The following ZNF678 variants were observed in gnomAD, a reference collection of about 807,000 sequenced individuals.
ZNF678 encodes the protein zinc finger protein 678.
A neutral mutation model predicts 3.0 loss-of-function variants in ZNF678; 5 were observed. That is an observed-to-expected ratio of 1.69 (90% CI 0.88 to 3.56). The LOEUF (loss-of-function observed/expected upper bound fraction) is 3.56, where lower values mean the gene tolerates loss of function less well. Among genes scored for constraint, ZNF678 ranks in the 30% most tolerant of loss-of-function variants. ZNF678 has a pLI of 0.00. For missense variants in ZNF678, 593 were observed against 605.0 expected (o/e 0.98, Z 0.21); for synonymous variants, 218 against 199.6 (o/e 1.09, Z -0.78).
chr1:227,675,576 T>A (rs1252295471), intron 5 of ZNF678, among the ~76,000 whole-genome samples: 1 of 152,222 alleles, frequency 6.6e-6, no homozygotes, highest in African/African-American at 2.4e-5. Flanking sequence ...TCATGTTTTG[T>A]TGAACTGCAA....
At chr1:227,618,073 G>T (rs145328375) in intron 1 of ZNF678, among the ~76,000 whole-genome samples, 8 of 152,100 alleles carry the variant, frequency 5.3e-5, no homozygotes, top group Non-Finnish European at 8.8e-5. Flanking sequence ...ACAACACTTC[G>T]CCCCTAATAT....
intron 1 of ZNF678, among the ~76,000 whole-genome samples, chr1:227,566,856 G>T (rs1180322687): frequency 6.7e-6 from 1 of 150,094 alleles, no homozygotes; most frequent in African/African-American, 2.4e-5. Context: ...TCTTAGTTCT[G>T]TTCTATTTTA....
rs966493837 is a variant in ZNF678 at position 227,638,751 on chromosome 1, G to A, written c.-163-7793G>A. 6.6e-5 allele frequency among the ~76,000 whole-genome samples: 10 copies of A among 152,040 alleles called. No homozygotes were observed. Among genetic ancestry groups the A allele is most frequent in the African/African-American group, 1.9e-4 (8 of 41,360 alleles). The stretch of plus-strand genomic sequence containing the variant: ...CTTAGGAGCAGAGTTGGGCATGAGG[G>A]CAGAACTAAGAAAGAGTGAGTGAAG... On this transcript the variant is annotated intron_variant, in intron 1 of 3. Transcript: ENST00000343776. This position sits in a 1 kb window ranked among gnomAD's most constrained non-coding sequence, Gnocchi z 4.2.
chr1:227,595,674 A>C (rs191027476), intron 1 of ZNF678, among the ~76,000 whole-genome samples: 157 of 152,314 alleles, frequency 1.0e-3, no homozygotes, highest in African/African-American at 3.7e-3. Context: ...AAGGGCACAC[A>C]CACACTTTTG....
At chr1:227,600,427 A>G (rs970565725) in intron 1 of ZNF678, among the ~76,000 whole-genome samples, 2 of 152,172 alleles carry the variant, frequency 1.3e-5, no homozygotes, top group African/African-American at 4.8e-5. Flanking sequence ...AGTCCTACCA[A>G]CAGTGTATAA....
chr1:227,656,707 T>A lies in ZNF678; in HGVS notation c.*879T>A, dbSNP rs1659258688. 6.6e-6 allele frequency: 1 copy of A among 152,088 alleles called. No individual in the cohort carries two copies. Among genetic ancestry groups the A allele is most frequent in the South Asian group, 2.1e-4 (1 of 4,830 alleles). The allele number at this position is 152,088 out of a possible 1,614,324, so 9.4% of individuals were successfully genotyped here. On this transcript the variant is annotated 3_prime_UTR_variant, in exon 4 of 4. Transcript: ENST00000343776. The stretch of plus-strand genomic sequence containing the variant: ...AGAGAAGTATTTTGCATTATAGTAA[T>A]AGGGAAACATTTTGAATTTCAGTAG...
intron 1 of ZNF678, among the ~76,000 whole-genome samples, chr1:227,571,590 A>G (rs1254361331): frequency 1.3e-5 from 2 of 152,180 alleles, no homozygotes; most frequent in East Asian, 3.8e-4. Context: ...GTTAATGAAA[A>G]CTAAGCAAAC....
chr1:227,634,022 T>C (rs1658615627), intron 1 of ZNF678, among the ~76,000 whole-genome samples: 1 of 152,140 alleles, frequency 6.6e-6, no homozygotes, highest in Non-Finnish European at 1.5e-5. Context: ...TCTTGCATTT[T>C]TGTATACCAG....
At chr1:227,679,511 G>C (rs964478918), downstream of ZNF678, among the ~76,000 whole-genome samples, 3 of 134,366 alleles carry the variant, frequency 2.2e-5, no homozygotes, top group Non-Finnish European at 3.2e-5. Context: ...CCCCACTCAC[G>C]TACCCCCTGC....
chr1:227,677,899 T>G (rs1558166173), downstream of ZNF678, among the ~76,000 whole-genome samples: 1 of 152,180 alleles, frequency 6.6e-6, no homozygotes, highest in African/African-American at 2.4e-5. Flanking sequence ...TGCCAGAATT[T>G]AAAATGCAAT....
At chr1:227,676,767 C>T (rs559674956) in intron 5 of ZNF678, among the ~76,000 whole-genome samples, 3 of 149,506 alleles carry the variant, frequency 2.0e-5, no homozygotes, top group Admixed American at 6.7e-5. Context: ...AGAGAACATG[C>T]GGTGTTTGGT....
chr1:227,598,955 T>G, intron 1 of ZNF678: 1 of 876,902 alleles, frequency 1.1e-6, no homozygotes, highest in Non-Finnish European at 1.9e-6. Context: ...CCAGTTCTCA[T>G]TCATTTTTTT....
At chr1:227,645,445 T>A (rs1658930719) in intron 1 of ZNF678, among the ~76,000 whole-genome samples, 1 of 152,228 alleles carries the variant, frequency 6.6e-6, no homozygotes, top group Non-Finnish European at 1.5e-5. Flanking sequence ...CAAGTACTTT[T>A]AAAATTTTTC....
intron 2 of ZNF678, among the ~76,000 whole-genome samples, chr1:227,648,285 A>G (rs1266899235): frequency 1.3e-5 from 2 of 152,202 alleles, no homozygotes; most frequent in Non-Finnish European, 2.9e-5. Context: ...TTTATTTACT[A>G]TAAAGCTTAC....
chr1:227,636,601 A>G (rs1395221338), intron 1 of ZNF678, among the ~76,000 whole-genome samples: 3 of 152,164 alleles, frequency 2.0e-5, no homozygotes, highest in African/African-American at 7.2e-5. Context: ...TGTGGAGGCT[A>G]TTTGTCCCTT....
At chr1:227,663,632 C>T (rs1659453659), downstream of ZNF678, among the ~76,000 whole-genome samples, 1 of 152,170 alleles carries the variant, frequency 6.6e-6, no homozygotes, top group Non-Finnish European at 1.5e-5. Flanking sequence ...CAGCAACATG[C>T]AAAGATACTC....
At chr1:227,569,581 G>GT (rs1020801459) in intron 1 of ZNF678, among the ~76,000 whole-genome samples, 14 of 151,750 alleles carry the variant, frequency 9.2e-5, no homozygotes, top group Admixed American at 2.6e-4. Flanking sequence ...TTGTAAATTA[G>GT]TTTTTTTTAC....
At chr1:227,667,467 C>T (rs753169466) in intron 5 of ZNF678, among the ~76,000 whole-genome samples, 7 of 152,180 alleles carry the variant, frequency 4.6e-5, no homozygotes, top group Non-Finnish European at 8.8e-5. Flanking sequence ...ACTTGGTTCA[C>T]AGGCTACAGA....
chr1:227,640,610 T>C (rs967705643), intron 1 of ZNF678, among the ~76,000 whole-genome samples: 2 of 152,292 alleles, frequency 1.3e-5, no homozygotes, highest in Admixed American at 1.3e-4. Context: ...ATTGCTTATG[T>C]CAGTTAAAAT....
Sources: allele counts gnomAD v4.1 joint callset (sites outside exome capture counted in the v4.1 genomes callset), GRCh38; gene constraint gnomAD v4.1.1; non-coding constraint Gnocchi (gnomAD v3.1); transcripts MANE v1.5; gene names NCBI Gene and HGNC (gene_info 2026-07-23, HGNC 2026-07-21).